SEPTIN9: variants seen among roughly 807,000 people sequenced by gnomAD.
SEPTIN9 encodes septin 9.
SEPTIN9 carries 13 observed loss-of-function variants against 56.6 expected under a neutral mutation model. That is an observed-to-expected ratio of 0.23 (90% CI 0.15 to 0.37). The LOEUF is 0.37. SEPTIN9 is among the 10% of genes least tolerant of loss of function. The pLI, the probability that SEPTIN9 is intolerant of heterozygous loss-of-function variation, is 1.00. For missense variants in SEPTIN9, 650 were observed against 823.1 expected (o/e 0.79, Z 2.57); for synonymous variants, 332 against 334.1 (o/e 0.99, Z 0.07).
chr17:77,405,150 T>A lies in SEPTIN9; in HGVS notation c.721+2447T>A. On this transcript the variant is annotated intron_variant, in intron 3 of 11. Coordinates refer to ENST00000427177, the MANE Select transcript of SEPTIN9 (RefSeq NM_001113491.2). The surrounding 1 kb of genome is among the most constrained non-coding windows in gnomAD (Gnocchi z 5.8). ...TGGCTCTGGGGGACAGGTAGGGGGA[T>A]GTCCATGGGGATGTACAAGAACATT... The A allele has an allele frequency of 3.3e-6, 5 of 1,532,534 alleles. No individual in the cohort carries two copies. Among genetic ancestry groups the A allele is most frequent in the Non-Finnish European group, 4.4e-6 (5 of 1,144,206 alleles). The allele number at this position is 1,532,534 out of a possible 1,614,324, so 94.9% of individuals were successfully genotyped here. A position where few individuals can be genotyped will look rare whatever the true frequency, so the allele number is the denominator to read the frequency against.
Position 77,326,568 on chromosome 17 carries a change from C to T in SEPTIN9, c.76+19371C>T, listed in dbSNP as rs2033149592. On this transcript the variant is annotated intron_variant, in intron 2 of 11. Transcript: ENST00000427177. The surrounding 1 kb of genome is among the most constrained non-coding windows in gnomAD (Gnocchi z 5.1). ...CGGGGGGCTGAGGCCGGCAGCACGG[C>T]AGGAAGTAAGACTGGGGTTGAAAGA... 1.3e-5 allele frequency among the ~76,000 whole-genome samples: 2 copies of T among 152,220 alleles called. No individual in the cohort carries two copies. Among genetic ancestry groups the T allele is most frequent in the Admixed American group, 1.3e-4 (2 of 15,284 alleles).
At chr17:77,368,970 G>A (rs2034645522) in intron 2 of SEPTIN9, among the ~76,000 whole-genome samples, 1 of 152,172 alleles carries the variant, frequency 6.6e-6, no homozygotes, top group African/African-American at 2.4e-5. Context: ...GGCTGGGCAC[G>A]ATGGCTCATG....
At chr17:77,307,233 C>A in intron 2 of SEPTIN9, 36 bp downstream of exon 2, 1 of 1,582,514 alleles carries the variant, frequency 6.3e-7, no homozygotes, top group Non-Finnish European at 8.7e-7. Flanking sequence ...CCACCCAGCT[C>A]ATGGGTGTGT....
Position 77,498,707 on chromosome 17 carries a change from C to CA in SEPTIN9, c.*49_*50insA. 1 of 1,071,656 alleles carries CA rather than the reference C, an allele frequency of 9.3e-7. No homozygotes were observed. Among genetic ancestry groups the CA allele is most frequent in the East Asian group, 3.1e-5 (1 of 32,520 alleles). 66.4% of individuals were successfully genotyped at this position (1,071,656 alleles called of 1,614,324 possible). On this transcript the variant is annotated 3_prime_UTR_variant, in exon 12 of 12. Coordinates refer to ENST00000427177, the MANE Select transcript of SEPTIN9 (RefSeq NM_001113491.2). ...ATCCTGCCCCCAAGTCATTTCCGTCCCCCCCCAGGCCCTCCCACCACCCCA... is the reference window on the plus strand; with the variant it reads ...ATCCTGCCCCCAAGTCATTTCCGTCCACCCCCCAGGCCCTCCCACCACCCCA...
At position 77,425,411 on chromosome 17, in the gene SEPTIN9, C is replaced by T. The variant is rs1366587071; in HGVS notation, c.721+22708C>T. Among the ~76,000 whole-genome samples the T allele has an allele frequency of 6.6e-6, 1 of 152,184 alleles. No individual in the cohort carries two copies. Among genetic ancestry groups the T allele is most frequent in the Non-Finnish European group, 1.5e-5 (1 of 68,026 alleles). On this transcript the variant is annotated intron_variant, in intron 3 of 11. Transcript: ENST00000427177. The surrounding 1 kb of genome is among the most constrained non-coding windows in gnomAD (Gnocchi z 4.2). ...CAGAGGTCCGGGAGGGGGATGTGAC[C>T]GTGTCCCCAGGGTGAAGCCCACCCG... is the stretch of plus-strand genomic sequence containing the variant.
intron 3 of SEPTIN9, among the ~76,000 whole-genome samples, chr17:77,415,966 A>G (rs1424932696): frequency 2.6e-5 from 4 of 152,246 alleles, no homozygotes; most frequent in Admixed American, 2.0e-4. Flanking sequence ...CAAAGAGCTC[A>G]GGAATCAACA....
Position 77,327,804 on chromosome 17 carries a change from G to T in SEPTIN9, c.76+20607G>T, listed in dbSNP as rs1033674440. ...TAAACAACACACCCTCGAAATCAGC[G>T]AAGAGGCACTGGCTCTGAAACTTTG... On this transcript the variant is annotated intron_variant, in intron 2 of 11. Coordinates refer to ENST00000427177, the MANE Select transcript of SEPTIN9 (RefSeq NM_001113491.2). The surrounding 1 kb of genome is among the most constrained non-coding windows in gnomAD (Gnocchi z 5.0). Among the ~76,000 whole-genome samples the T allele has an allele frequency of 6.6e-6, 1 of 152,142 alleles. No homozygotes were observed. Among genetic ancestry groups the T allele is most frequent in the Non-Finnish European group, 1.5e-5 (1 of 68,024 alleles).
At chr17:77,338,149 A>C (rs931099230) in intron 2 of SEPTIN9, among the ~76,000 whole-genome samples, 7 of 152,180 alleles carry the variant, frequency 4.6e-5, no homozygotes, top group Non-Finnish European at 8.8e-5. Context: ...GTGAGCTGAG[A>C]TCACACCACT....
Position 77,281,566 on chromosome 17 carries a change from G to A in SEPTIN9, c.19+12G>A, listed in dbSNP as rs1384585385. 2 of 1,538,808 alleles carry A rather than the reference G, an allele frequency of 1.3e-6. No individual in the cohort carries two copies. Among genetic ancestry groups the A allele is most frequent in the South Asian group, 1.2e-5 (1 of 82,826 alleles). On this transcript the variant is annotated intron_variant, in intron 1 of 11. Transcript: ENST00000427177. ...GAAGTCTTACTCAGGTGGGCTTCGC[G>A]CCCGGGGTGGGGAGGGGTCGGTGTC...
In SEPTIN9 at chr17:77,318,691, G is replaced by C. The variant is rs2032793235; in HGVS notation, c.76+11494G>C. Among the ~76,000 whole-genome samples, 2 of 152,028 alleles carry C rather than the reference G, an allele frequency of 1.3e-5. No homozygotes were observed. Among genetic ancestry groups the C allele is most frequent in the Non-Finnish European group, 2.9e-5 (2 of 68,004 alleles). On this transcript the variant is annotated intron_variant, in intron 2 of 11. Coordinates refer to ENST00000427177, the MANE Select transcript of SEPTIN9 (RefSeq NM_001113491.2). The surrounding 1 kb of genome is among the most constrained non-coding windows in gnomAD (Gnocchi z 4.9). ...AATGGTCCTCCCCACCCCCCAGGAA[G>C]ATGTCCTTTCTGCCAAGGAGATTGC...
chr17:77,377,600 C>T (rs1051858963), intron 2 of SEPTIN9, among the ~76,000 whole-genome samples: 1 of 152,056 alleles, frequency 6.6e-6, no homozygotes, highest in Non-Finnish European at 1.5e-5. Context: ...AGGAGGACCC[C>T]CAGATCTGTG....
At position 77,436,553 on chromosome 17, in the gene SEPTIN9, C is replaced by T. The variant is rs2037344279; in HGVS notation, c.721+33850C>T. 6.6e-6 allele frequency among the ~76,000 whole-genome samples: 1 copy of T among 152,238 alleles called. No individual in the cohort carries two copies. The highest frequency in any genetic ancestry group is 1.9e-4 in the East Asian group (1 of 5,192). On this transcript the variant is annotated intron_variant, in intron 3 of 11. Coordinates refer to ENST00000427177, the MANE Select transcript of SEPTIN9 (RefSeq NM_001113491.2). This position sits in a 1 kb window ranked among gnomAD's most constrained non-coding sequence, Gnocchi z 4.4. Reference sequence around the variant, plus strand: ...CTCCCACTTCCTTTGCCATGGGCCCCCTCCTCCACGCAGACCCTCAGCCTG... The same window carrying T: ...CTCCCACTTCCTTTGCCATGGGCCCTCTCCTCCACGCAGACCCTCAGCCTG...
chr17:77,454,906 C>T (rs554809717), intron 3 of SEPTIN9, among the ~76,000 whole-genome samples: 52 of 152,124 alleles, frequency 3.4e-4, no homozygotes, highest in Non-Finnish European at 6.0e-4. Context: ...TCATCCCAGC[C>T]GACTCCGGGG....
chr17:77,367,238 T>C lies in SEPTIN9; in HGVS notation c.77-34821T>C, dbSNP rs1598261791. Among the ~76,000 whole-genome samples, 1 of 152,278 alleles carries C rather than the reference T, an allele frequency of 6.6e-6. No individual in the cohort carries two copies. Among genetic ancestry groups the C allele is most frequent in the South Asian group, 2.1e-4 (1 of 4,812 alleles). ...AAAGAGAGAAGGGGTTCCGGGGGCT[T>C]GGCCCAGGTGGAAACCATGCACTGT... is the stretch of plus-strand genomic sequence containing the variant. On this transcript the variant is annotated intron_variant, in intron 2 of 11. Transcript: ENST00000427177. The surrounding 1 kb of genome is among the most constrained non-coding windows in gnomAD (Gnocchi z 4.5).
rs1007466127 is a variant in SEPTIN9 at position 77,492,074 on chromosome 17, G to A, written c.1381-547G>A. ...CTCCGTCCTGGGGCCAGGTGTCAGG[G>A]ACCTTCCCAGCATGTGCAGGGGAAG... On this transcript the variant is annotated intron_variant, in intron 8 of 11. Coordinates refer to ENST00000427177, the MANE Select transcript of SEPTIN9 (RefSeq NM_001113491.2). This position sits in a 1 kb window ranked among gnomAD's most constrained non-coding sequence, Gnocchi z 5.4. Among the ~76,000 whole-genome samples the A allele has an allele frequency of 2.0e-4, 30 of 152,266 alleles. No homozygotes were observed. Among genetic ancestry groups the A allele is most frequent in the Admixed American group, 7.8e-4 (12 of 15,292 alleles).
chr17:77,316,162 G>A (rs1186075239), intron 2 of SEPTIN9, among the ~76,000 whole-genome samples: 4 of 152,210 alleles, frequency 2.6e-5, no homozygotes, highest in Non-Finnish European at 5.9e-5. Context: ...GGGAGGGACC[G>A]CGGGGGATCC....
intron 3 of SEPTIN9, among the ~76,000 whole-genome samples, chr17:77,426,368 C>T (rs1422526239): frequency 1.3e-5 from 2 of 152,094 alleles, no homozygotes; most frequent in Non-Finnish European, 2.9e-5. Context: ...TGCAGTGGCG[C>T]AACAGCGTGA....
Position 77,371,975 on chromosome 17 carries a change from T to G in SEPTIN9, c.77-30084T>G, listed in dbSNP as rs923588682. ...GCCTCTCCAGAATGGCTGGAGAGTCTCAGCACTCCTGCACATTTGGGATAT... is the reference window on the plus strand; with the variant it reads ...GCCTCTCCAGAATGGCTGGAGAGTCGCAGCACTCCTGCACATTTGGGATAT... On this transcript the variant is annotated intron_variant, in intron 2 of 11. Transcript: ENST00000427177. The surrounding 1 kb of genome is among the most constrained non-coding windows in gnomAD (Gnocchi z 4.1). Among the ~76,000 whole-genome samples, 106 of 152,192 alleles carry G rather than the reference T, an allele frequency of 7.0e-4. No individual in the cohort carries two copies. Among genetic ancestry groups the G allele is most frequent in the African/African-American group, 2.6e-3 (106 of 41,520 alleles).
intron 3 of SEPTIN9, among the ~76,000 whole-genome samples, chr17:77,424,593 C>T (rs1052882938): frequency 6.6e-5 from 10 of 152,236 alleles, no homozygotes; most frequent in Admixed American, 4.6e-4. Context: ...GACTCTGTTC[C>T]TGTGAGGGCC....
Sources: gnomAD v4.1 joint callset for allele counts (sites outside exome capture counted in the v4.1 genomes callset) on GRCh38, gnomAD v4.1.1 for gene constraint, Gnocchi (gnomAD v3.1) non-coding constraint, MANE v1.5 for transcripts, NCBI Gene and HGNC (gene_info 2026-07-23, HGNC 2026-07-21) for gene names.